The following BEGAIN variants were observed in gnomAD, a reference collection of about 807,000 sequenced individuals.
BEGAIN encodes brain enriched guanylate kinase associated.
In BEGAIN, 19 loss-of-function variants were observed where a neutral mutation model predicts 35.8. The observed-to-expected ratio is 0.53, with a 90% confidence interval of 0.37 to 0.78. The LOEUF is 0.78. Ranked by LOEUF, BEGAIN falls within the 30% of genes least tolerant of loss-of-function variation. The probability of loss-of-function intolerance (pLI) is 0.00; values close to 1 mark genes in which losing one functional copy is unlikely to be tolerated. For synonymous variants in BEGAIN, 462 were observed against 388.6 expected, an observed-to-expected ratio of 1.19 and a Z score of -2.22; for missense variants, 795 against 853.6, an observed-to-expected ratio of 0.93 and a Z score of 0.85.
At chr14:100,570,068 G>A (rs2035026831) in intron 1 of BEGAIN, among the ~76,000 whole-genome samples, 12 of 152,146 alleles carry the variant, frequency 7.9e-5, no homozygotes, top group Admixed American at 7.8e-4. Context: ...GCTGCGCCTG[G>A]ACCCCACTGC....
In BEGAIN at chr14:100,546,680, C is replaced by CGGCGG; in HGVS notation, c.72-23_72-19dup. The CGGCGG allele has an allele frequency of 6.5e-7, 1 of 1,536,616 alleles. No homozygotes were observed. The highest frequency in any genetic ancestry group is 8.7e-7 in the Non-Finnish European group (1 of 1,145,536). Reference sequence around the variant, plus strand: ...GCAGCGCGCTGCAACGACATGGCGGCGGCGGGCCGGGCCGCGGCGCTGAGC... The same window carrying CGGCGG: ...GCAGCGCGCTGCAACGACATGGCGGCGGCGGGGCGGGCCGGGCCGCGGCGCTGAGC... On this transcript the variant is annotated intron_variant, in intron 2 of 6. Transcript: ENST00000554140.
intron 2 of BEGAIN, among the ~76,000 whole-genome samples, chr14:100,557,722 C>G (rs570835263): frequency 6.6e-6 from 1 of 152,272 alleles, no homozygotes; most frequent in African/African-American, 2.4e-5. Flanking sequence ...CATCCACAGA[C>G]TGACTCAGGG....
chr14:100,538,899 A>G lies in BEGAIN; in HGVS notation c.909T>C (p.His303=), dbSNP rs12892571. The G allele has an allele frequency of 0.44, 699,048 of 1,605,538 alleles. 165,934 individuals carry two copies. Among genetic ancestry groups the G allele is most frequent in the African/African-American group, 0.89 (66,915 of 74,796 alleles). The change falls in exon 7 of 7, where the codon CAT becomes CAC. Residue 303 remains histidine, a synonymous_variant. Transcript: ENST00000554140. The part of the protein sequence containing the change: ...EAAAFPAGFQ[H]EAFPSYAGSL... Reference sequence around the variant, plus strand: ...AGCCTGCGTAGCTGGGGAAGGCCTCATGCTGGAAGCCCGCCGGGAAGGCCG... The same window carrying G: ...AGCCTGCGTAGCTGGGGAAGGCCTCGTGCTGGAAGCCCGCCGGGAAGGCCG...
Position 100,568,543 on chromosome 14 carries a change from C to A in BEGAIN, c.43-604G>T, listed in dbSNP as rs892704505. 3 of 1,283,570 alleles carry A rather than the reference C, an allele frequency of 2.3e-6. No homozygotes were observed. Among genetic ancestry groups the A allele is most frequent in the Non-Finnish European group, 3.0e-6 (3 of 985,600 alleles). The allele number at this position is 1,283,570 out of a possible 1,614,324, so 79.5% of individuals were successfully genotyped here. The stretch of plus-strand genomic sequence containing the variant: ...TTGGGCCTGGCTTGCCCCTCCCGGG[C>A]CCCAGGGATTAACCCGTGAGCGCCC... On this transcript the variant is annotated intron_variant, in intron 1 of 6. Coordinates refer to ENST00000554140, the MANE Select transcript of BEGAIN (RefSeq NM_001385089.1). This position sits in a 1 kb window ranked among gnomAD's most constrained non-coding sequence, Gnocchi z 7.5.
At position 100,538,798 on chromosome 14, in the gene BEGAIN, A is replaced by G; in HGVS notation, c.1010T>C (p.Leu337Pro). ...GTAGATGGCCTGCTGCGACGCGGTC[A>G]GCGTGCTGGCCTGCGCGTGCTCCTT... The part of the protein sequence containing the change: ...EEKEHAQAST[L>P]TASQQAIYLN... The change falls in exon 7 of 7, where the codon CTG becomes CCG. Residue 337 changes from leucine (L) to proline (P), a missense_variant. Transcript: ENST00000554140. The G allele has an allele frequency of 6.3e-7, 1 of 1,599,802 alleles. No homozygotes were observed. Among genetic ancestry groups the G allele is most frequent in the Non-Finnish European group, 8.5e-7 (1 of 1,175,088 alleles).
intron 2 of BEGAIN, among the ~76,000 whole-genome samples, chr14:100,566,146 A>T (rs2034661971): frequency 6.6e-6 from 1 of 152,228 alleles, no homozygotes; most frequent in Non-Finnish European, 1.5e-5. Flanking sequence ...CACCCCTGGC[A>T]ACTCCAGAAA....
chr14:100,546,683 C>A, intron 2 of BEGAIN, 21 bp from the exon 3 acceptor site: 1 of 1,534,534 alleles, frequency 6.5e-7, no homozygotes, highest in Non-Finnish European at 8.7e-7. Context: ...ATGGCGGCGG[C>A]GGGCCGGGCC....
chr14:100,584,181 A>G (rs2035386229), intron 1 of BEGAIN, among the ~76,000 whole-genome samples: 1 of 152,172 alleles, frequency 6.6e-6, no homozygotes, highest in Non-Finnish European at 1.5e-5. Flanking sequence ...TGGCTTCCCC[A>G]GGCAAAGCCC....
chr14:100,548,518 ACC>A (rs1232491017), intron 2 of BEGAIN: 2 of 152,244 alleles, frequency 1.3e-5, no homozygotes, highest in African/African-American at 4.8e-5. Context: ...CTCCAGCCAC[ACC>A]CCAGGCCTCA....
chr14:100,566,556 C>T (rs1334521924), intron 2 of BEGAIN, among the ~76,000 whole-genome samples: 3 of 152,204 alleles, frequency 2.0e-5, no homozygotes, highest in African/African-American at 7.2e-5. Context: ...AAATGACAGC[C>T]AATGTGGGGC....
intron 1 of BEGAIN, among the ~76,000 whole-genome samples, chr14:100,574,771 T>C (rs1032505617): frequency 5.3e-5 from 8 of 152,038 alleles, no homozygotes; most frequent in Non-Finnish European, 1.0e-4. Context: ...CTGAGGCCAG[T>C]AGGGCAGAGT....
At chr14:100,581,524 C>T (rs1566983271) in intron 1 of BEGAIN, among the ~76,000 whole-genome samples, 1 of 152,200 alleles carries the variant, frequency 6.6e-6, no homozygotes, top group Non-Finnish European at 1.5e-5. Flanking sequence ...GCTTCCCAAG[C>T]CCATCCTGCG....
At position 100,538,688 on chromosome 14, in the gene BEGAIN, C is replaced by A; in HGVS notation, c.1120G>T (p.Ala374Ser). 1 of 1,554,520 alleles carries A rather than the reference C, an allele frequency of 6.4e-7. No homozygotes were observed. Residue 374 changes from alanine to serine, a missense_variant, in exon 7 of 7, where the codon GCG becomes TCG. Coordinates refer to ENST00000554140, the MANE Select transcript of BEGAIN (RefSeq NM_001385089.1). ...TCGGCCTCCAGCGGGGCCGCCACCG[C>A]GGCCGTGGCCTTGGCAAAGCGAGGG... is the stretch of plus-strand genomic sequence containing the variant. ...GSPRFAKATA[A>S]VAAPLEAEVA...
chr14:100,544,038 C>T, intron 4 of BEGAIN, 73 bp from the exon 5 acceptor site: 1 of 1,130,168 alleles, frequency 8.8e-7, no homozygotes. Context: ...CTCGATTGCA[C>T]CCCCTGGTTT....
intron 5 of BEGAIN, among the ~76,000 whole-genome samples, 185 bp from the exon 6 acceptor site, chr14:100,540,764 C>A (rs1340428870): frequency 6.6e-6 from 1 of 152,228 alleles, no homozygotes; most frequent in Non-Finnish European, 1.5e-5. Flanking sequence ...AAAATGAGAG[C>A]CTCTTTCTGA....
rs761250038 is a variant in BEGAIN at position 100,539,172 on chromosome 14, G to A, written c.636C>T (p.Ala212=). ...IAKVLEKPDP[A]SLSSRLSDAS... ...CATCGGACAGGCGGGAGGACAGGCT[G>A]GCGGGGTCCGGCTTCTCCAGCACCT... Residue 212 remains alanine, a synonymous_variant, in exon 7 of 7, where the codon GCC becomes GCT. Coordinates refer to ENST00000554140, the MANE Select transcript of BEGAIN (RefSeq NM_001385089.1). 46 of 1,583,266 alleles carry A rather than the reference G, an allele frequency of 2.9e-5. No homozygotes were observed. Among genetic ancestry groups the A allele is most frequent in the Non-Finnish European group, 3.8e-5 (44 of 1,162,338 alleles).
chr14:100,581,584 C>G (rs901673497), intron 1 of BEGAIN, among the ~76,000 whole-genome samples: 3 of 152,224 alleles, frequency 2.0e-5, no homozygotes, highest in Non-Finnish European at 4.4e-5. Flanking sequence ...CCCCACCCGC[C>G]TCTGTGCATC....
At chr14:100,545,340 T>A in intron 3 of BEGAIN, 1 of 1,320,614 alleles carries the variant, frequency 7.6e-7, no homozygotes, top group Non-Finnish European at 9.7e-7. Context: ...GAAGGCTTGT[T>A]ATTCACAAGA....
At position 100,538,830 on chromosome 14, in the gene BEGAIN, C is replaced by T. The variant is rs1426888556; in HGVS notation, c.978G>A (p.Ser326=). 17 of 1,605,070 alleles carry T rather than the reference C, an allele frequency of 1.1e-5. No homozygotes were observed. The highest frequency in any genetic ancestry group is 2.2e-5 in the East Asian group (1 of 44,470). Residue 326 remains serine (S), a synonymous_variant, in exon 7 of 7, where the codon TCG becomes TCA. Coordinates refer to ENST00000554140, the MANE Select transcript of BEGAIN (RefSeq NM_001385089.1). The part of the protein sequence containing the change: ...SSSYSSFSAT[S]EEKEHAQAST... ...TGGCCTGCGCGTGCTCCTTCTCCTC[C>T]GACGTGGCGCTGAAGCTGGAGTAGG...
Sources: gnomAD v4.1 joint callset for allele counts (sites outside exome capture counted in the v4.1 genomes callset) on GRCh38, gnomAD v4.1.1 for gene constraint, Gnocchi (gnomAD v3.1) non-coding constraint, MANE v1.5 for transcripts, NCBI Gene and HGNC (gene_info 2026-07-23, HGNC 2026-07-21) for gene names.